The following C17orf67 variants were observed in gnomAD, a reference collection of about 807,000 sequenced individuals.
The protein encoded by C17orf67 is uncharacterized protein C17orf67.
Under a neutral mutation model 11.2 loss-of-function variants are expected in C17orf67, and 12 were observed. That is an observed-to-expected ratio of 1.07 (90% CI 0.68 to 1.73). The LOEUF is 1.73. Ranked by LOEUF, C17orf67 falls within the 40% of genes most tolerant of loss-of-function variation. The pLI is 0.00. For missense variants in C17orf67, 115 were observed against 113.5 expected (o/e 1.01, Z -0.06); for synonymous variants, 59 against 46.9 (o/e 1.26, Z -1.05).
intron 5 of C17orf67, 111 bp downstream of exon 5, chr17:56,815,645 G>T (rs1303787961): frequency 3.6e-6 from 3 of 828,794 alleles, no homozygotes; most frequent in Non-Finnish European, 4.7e-6. Flanking sequence ...AAAGAGCATT[G>T]AAATATCTAT....
rs1293390853 is a variant in C17orf67, at chr17:56,825,152, C to T, written c.-387G>A. The T allele has an allele frequency of 1.3e-5, 2 of 152,156 alleles. No homozygotes were observed. The highest frequency in any genetic ancestry group is 2.9e-5 in the Non-Finnish European group (2 of 68,028). 9.4% of individuals were successfully genotyped at this position (152,156 alleles called of 1,614,324 possible). A position where few individuals can be genotyped will look rare whatever the true frequency, so the allele number is the denominator to read the frequency against. On this transcript the variant is annotated 5_prime_UTR_variant, in exon 3 of 8. Coordinates refer to ENST00000397861, the MANE Select transcript of C17orf67 (RefSeq NM_001085430.4). The stretch of plus-strand genomic sequence containing the variant: ...CTGACTTCAGAGACCTGGTCAGGAC[C>T]ACAGAATCTATATTTTAAAATGATG...
rs186879036 is a variant in C17orf67 at position 56,811,542 on chromosome 17, C to T, written c.156+3327G>A. On this transcript the variant is annotated intron_variant, in intron 6 of 7. Transcript: ENST00000397861. ...ACCTCGTTAGTGAGCCCAAATCAGG[C>T]TGGGGCTCGAGACTCTCTTCTTGCA... is the stretch of plus-strand genomic sequence containing the variant. Among the ~76,000 whole-genome samples the T allele has an allele frequency of 4.0e-5, 6 of 150,692 alleles. No individual in the cohort carries two copies. The East Asian group carries it at 1.2e-3, about 29-fold the overall frequency.
chr17:56,810,023 CCT>C (rs1905570693), intron 6 of C17orf67, among the ~76,000 whole-genome samples: 1 of 144,400 alleles, frequency 6.9e-6, no homozygotes. Flanking sequence ...CCTCATACAC[CCT>C]CACACATGCA....
intron 6 of C17orf67, among the ~76,000 whole-genome samples, chr17:56,801,135 T>C (rs1330799324): frequency 6.6e-6 from 1 of 152,252 alleles, no homozygotes; most frequent in Non-Finnish European, 1.5e-5. Context: ...GAGTGTGTTT[T>C]TTATATTGCC....
chr17:56,832,300 C>T (rs1906228936), intron 2 of C17orf67, among the ~76,000 whole-genome samples: 1 of 152,154 alleles, frequency 6.6e-6, no homozygotes, highest in African/African-American at 2.4e-5. Flanking sequence ...ACCCCAGACC[C>T]CCTAAAGTAT....
chr17:56,795,734 A>G (rs1319044737), intron 6 of C17orf67, among the ~76,000 whole-genome samples: 1 of 152,234 alleles, frequency 6.6e-6, no homozygotes, highest in Non-Finnish European at 1.5e-5. Context: ...GTCATAGCAA[A>G]ACACTGGAAA....
rs1168077762 is a variant in C17orf67 at position 56,825,965 on chromosome 17, G to GCA, written c.-556-645_-556-644insTG. Among the ~76,000 whole-genome samples, 14 of 151,812 alleles carry GCA rather than the reference G, an allele frequency of 9.2e-5. No individual in the cohort carries two copies. The East Asian group carries it at 1.2e-3, about 13-fold the overall frequency. Reference sequence around the variant, plus strand: ...TGTGAGTGTGTGTGTGTGTGTGCACGCGTGTGTGTGACGGAGTCTCGCTCT... The same window carrying GCA: ...TGTGAGTGTGTGTGTGTGTGTGCACGCACGTGTGTGTGACGGAGTCTCGCTCT... On this transcript the variant is annotated intron_variant, in intron 2 of 7. Coordinates refer to ENST00000397861, the MANE Select transcript of C17orf67 (RefSeq NM_001085430.4).
At chr17:56,832,323 G>A (rs1280974459) in intron 2 of C17orf67, among the ~76,000 whole-genome samples, 1 of 152,182 alleles carries the variant, frequency 6.6e-6, no homozygotes, top group Admixed American at 6.5e-5. Flanking sequence ...TCCTGGGAAA[G>A]CTGCCAAAAG....
intron 2 of C17orf67, 31 bp from the exon 3 acceptor site, chr17:56,825,352 G>A (rs940190921): frequency 6.6e-6 from 1 of 152,218 alleles, no homozygotes; most frequent in Non-Finnish European, 1.5e-5. Flanking sequence ...ACTTAACACA[G>A]TGCCTAGGAC....
At chr17:56,799,513 T>C (rs1002772369) in intron 6 of C17orf67, among the ~76,000 whole-genome samples, 12 of 152,240 alleles carry the variant, frequency 7.9e-5, no homozygotes, top group African/African-American at 2.4e-4. Context: ...ATTGGAGTAA[T>C]TATGAATAAA....
intron 4 of C17orf67, among the ~76,000 whole-genome samples, chr17:56,819,836 T>C (rs1026029677): frequency 6.6e-6 from 1 of 152,008 alleles, no homozygotes; most frequent in East Asian, 1.9e-4. Flanking sequence ...CAATTCCCAA[T>C]AAATCCACAA....
At chr17:56,807,193 A>G (rs929994597) in intron 6 of C17orf67, among the ~76,000 whole-genome samples, 2 of 152,222 alleles carry the variant, frequency 1.3e-5, no homozygotes, top group South Asian at 4.1e-4. Flanking sequence ...AGAATCCAGT[A>G]AAGGAAACCT....
rs371206277 is a variant in C17orf67 at position 56,814,883 on chromosome 17, C to A, written c.142G>T (p.Asp48Tyr). The change falls in exon 6 of 8, where the codon GAT (aspartate) becomes TAT (tyrosine). Residue 48 changes from aspartate to tyrosine, a missense_variant. Coordinates refer to ENST00000397861, the MANE Select transcript of C17orf67 (RefSeq NM_001085430.4). ...QDRPSKPGFP[D>Y]EPMREYMHHL... Reference sequence around the variant, plus strand: ...AAAGCACTCACCCGCATTGGCTCATCGGGGAATCCGGGTTTGCTTGGTCTA... The same window carrying A: ...AAAGCACTCACCCGCATTGGCTCATAGGGGAATCCGGGTTTGCTTGGTCTA... The A allele has an allele frequency of 6.2e-7, 1 of 1,613,906 alleles. No individual in the cohort carries two copies. The highest frequency in any genetic ancestry group is 1.3e-5 in the African/African-American group (1 of 74,910).
At position 56,793,342 on chromosome 17, in the gene C17orf67, C is replaced by T. The variant is rs533535691; in HGVS notation, c.*21-990G>A. 2.2e-4 allele frequency among the ~76,000 whole-genome samples: 33 copies of T among 152,148 alleles called. No homozygotes were observed. The East Asian group carries it at 3.9e-3, about 18-fold the overall frequency. ...CAAGTTAACACATTTCTCCAGCCAC[C>T]GCTTCCTTGTCTTTATGTAAGTGGG... On this transcript the variant is annotated intron_variant, in intron 7 of 7. Transcript: ENST00000397861.
chr17:56,810,139 T>TCA (rs1905578730), intron 6 of C17orf67, among the ~76,000 whole-genome samples: 1 of 66,264 alleles, frequency 1.5e-5, no homozygotes, highest in African/African-American at 5.8e-5. Context: ...CACAGACCCC[T>TCA]CACGCACACC....
At chr17:56,817,680 C>G (rs538044178) in intron 4 of C17orf67, among the ~76,000 whole-genome samples, 60 of 152,046 alleles carry the variant, frequency 3.9e-4, no homozygotes, top group African/African-American at 1.4e-3. Flanking sequence ...GTCTCAAACT[C>G]GCAGGCTCAA....
At chr17:56,828,382 G>A (rs1205965919) in intron 2 of C17orf67, among the ~76,000 whole-genome samples, 1 of 152,002 alleles carries the variant, frequency 6.6e-6, no homozygotes, top group African/African-American at 2.4e-5. Context: ...TCCAGCCTGG[G>A]CAACAAGAGC....
rs775996754 is a variant in C17orf67 at position 56,795,134 on chromosome 17, T to C, written c.203A>G (p.Gln68Arg). ...AGGGTTCAGCCAGTGCTCCAGGAACTGCTCCTCAGCGCGATGCTCCAGGGC... is the reference window on the plus strand; with the variant it reads ...AGGGTTCAGCCAGTGCTCCAGGAACCGCTCCTCAGCGCGATGCTCCAGGGC... Reference protein sequence around the residue: ...LLALEHRAEEQFLEHWLNPHC... With the variant: ...LLALEHRAEERFLEHWLNPHC... The change falls in exon 7 of 8, where the codon CAG becomes CGG. Residue 68 changes from glutamine to arginine, a missense_variant. Transcript: ENST00000397861. 21 of 1,614,082 alleles carry C rather than the reference T, an allele frequency of 1.3e-5. No homozygotes were observed. The highest frequency in any genetic ancestry group is 1.7e-5 in the Non-Finnish European group (20 of 1,180,036).
intron 2 of C17orf67, among the ~76,000 whole-genome samples, chr17:56,826,080 G>T (rs536260566): frequency 1.3e-5 from 2 of 151,996 alleles, no homozygotes; most frequent in Admixed American, 1.3e-4. Flanking sequence ...TCAGGCTCCC[G>T]AGTAGCTGGG....
Sources: allele counts gnomAD v4.1 joint callset (sites outside exome capture counted in the v4.1 genomes callset), GRCh38; gene constraint gnomAD v4.1.1; transcripts MANE v1.5; gene names NCBI Gene and HGNC (gene_info 2026-07-23, HGNC 2026-07-21).